The following FAM227B variants were observed in gnomAD, a reference collection of about 807,000 sequenced individuals.
FAM227B encodes family with sequence similarity 227 member B.
In FAM227B, 88 loss-of-function variants were observed where a neutral mutation model predicts 73.8. The observed-to-expected ratio is 1.19, with a 90% CI of 1.00 to 1.42. The LOEUF is 1.42. Among genes scored for constraint, FAM227B ranks in the 40% most tolerant of loss-of-function variants. The pLI is 0.00. For synonymous variants in FAM227B, 210 were observed against 190.5 expected, an observed-to-expected ratio of 1.10 and a Z score of -0.84; for missense variants, 632 against 590.9, an observed-to-expected ratio of 1.07 and a Z score of -0.72.
At chr15:49,379,047 A>C (rs1434898986) in intron 11 of FAM227B, among the ~76,000 whole-genome samples, 1 of 146,602 alleles carries the variant, frequency 6.8e-6, no homozygotes, top group East Asian at 1.9e-4. Flanking sequence ...CATCAATTGA[A>C]AGGATCATAT....
At chr15:49,528,115 A>ATTTGGGT (rs1292707915) in intron 10 of FAM227B, among the ~76,000 whole-genome samples, 1 of 151,930 alleles carries the variant, frequency 6.6e-6, no homozygotes, top group African/African-American at 2.4e-5. Context: ...CTACAAAGCT[A>ATTTGGGT]TAGTAACCCA....
chr15:49,380,941 G>T (rs776751338), intron 11 of FAM227B, among the ~76,000 whole-genome samples: 4 of 152,114 alleles, frequency 2.6e-5, no homozygotes, highest in Admixed American at 1.3e-4. Context: ...ATGGTTCTGC[G>T]GGATGTACAA....
intron 13 of FAM227B, among the ~76,000 whole-genome samples, chr15:49,364,424 G>A (rs1231215377): frequency 6.6e-6 from 1 of 151,980 alleles, no homozygotes; most frequent in Non-Finnish European, 1.5e-5. Flanking sequence ...TAGTCTTGGA[G>A]GTTGTTTTGT....
intron 3 of FAM227B, among the ~76,000 whole-genome samples, chr15:49,602,237 T>C (rs1177750409): frequency 6.6e-6 from 1 of 152,212 alleles, no homozygotes; most frequent in Non-Finnish European, 1.5e-5. Context: ...ACTGTAGTGG[T>C]TGTACTAACT....
chr15:49,387,595 C>A (rs1338900021), intron 11 of FAM227B, among the ~76,000 whole-genome samples: 2 of 151,802 alleles, frequency 1.3e-5, no homozygotes, highest in Non-Finnish European at 2.9e-5. Context: ...ACTTTCACCA[C>A]TCCTGTTCAA....
intron 11 of FAM227B, among the ~76,000 whole-genome samples, chr15:49,479,597 C>CTTTTTTTTT (rs1567359064): frequency 2.0e-5 from 2 of 102,078 alleles, no homozygotes; most frequent in African/African-American, 8.3e-5. Context: ...GTTAATACCT[C>CTTTTTTTTT]TGTTTTTTTT....
intron 15 of FAM227B, chr15:49,328,910 A>AACTT (rs2038029299): frequency 8.1e-7 from 1 of 1,228,724 alleles, no homozygotes; most frequent in Non-Finnish European, 1.0e-6. Flanking sequence ...TTAATAGAAA[A>AACTT]ACTTAGATAA....
At chr15:49,548,717 GA>G (rs960991771) in intron 9 of FAM227B, among the ~76,000 whole-genome samples, 3 of 152,130 alleles carry the variant, frequency 2.0e-5, no homozygotes, top group Admixed American at 2.0e-4. Context: ...GTTTGTTCAG[GA>G]TTTGAATTTG....
At chr15:49,537,235 C>T (rs1413016685) in intron 10 of FAM227B, among the ~76,000 whole-genome samples, 1 of 151,846 alleles carries the variant, frequency 6.6e-6, no homozygotes, top group Non-Finnish European at 1.5e-5. Flanking sequence ...TAGAAAACAA[C>T]CCAATTAATA....
At chr15:49,451,347 A>T (rs2052718654) in intron 11 of FAM227B, among the ~76,000 whole-genome samples, 1 of 152,092 alleles carries the variant, frequency 6.6e-6, no homozygotes, top group African/African-American at 2.4e-5. Context: ...AATTAGTATC[A>T]TAATGATAAA....
At chr15:49,368,300 A>G (rs1326857603) in intron 12 of FAM227B, among the ~76,000 whole-genome samples, 1 of 152,142 alleles carries the variant, frequency 6.6e-6, no homozygotes, top group African/African-American at 2.4e-5. Flanking sequence ...AACTACTAAT[A>G]TTTTAAGTTT....
At chr15:49,431,077 T>C (rs912766106) in intron 11 of FAM227B, among the ~76,000 whole-genome samples, 4 of 151,894 alleles carry the variant, frequency 2.6e-5, no homozygotes, top group African/African-American at 9.7e-5. Context: ...ATACAATACT[T>C]TTCCATTTTT....
At position 49,410,332 on chromosome 15, in the gene FAM227B, T is replaced by C. The variant is rs534528947; in HGVS notation, c.1013-38933A>G. Among the ~76,000 whole-genome samples, 55 of 152,300 alleles carry C rather than the reference T, an allele frequency of 3.6e-4. 1 individual carries two copies. The South Asian group carries it at 0.011, about 32-fold the overall frequency. On this transcript the variant is annotated intron_variant, in intron 11 of 15. Transcript: ENST00000299338. Reference sequence around the variant, plus strand: ...CCCTGACAGCTCCCCATAGGCCACGTTGTTTCATGCTGCCTCTGAATACTA... The same window carrying C: ...CCCTGACAGCTCCCCATAGGCCACGCTGTTTCATGCTGCCTCTGAATACTA...
rs570109035 is a variant in FAM227B at position 49,420,758 on chromosome 15, T to G, written c.1013-49359A>C. Among the ~76,000 whole-genome samples the G allele has an allele frequency of 8.9e-4, 136 of 152,310 alleles. 5 individuals are homozygous for G. In the South Asian group the frequency reaches 0.027, roughly 30 times the overall value. ...TCTCGCTTTGTCACCTAGGCTGGAG[T>G]GCAGTTGTGCGATCTCTGCTCACTG... is the stretch of plus-strand genomic sequence containing the variant. On this transcript the variant is annotated intron_variant, in intron 11 of 15. Transcript: ENST00000299338.
At chr15:49,488,878 A>G (rs1346459571) in intron 11 of FAM227B, 1 of 151,922 alleles carries the variant, frequency 6.6e-6, no homozygotes, top group Non-Finnish European at 1.5e-5. Context: ...GGTGTAGACC[A>G]GGGCTGTAGT....
Position 49,615,146 on chromosome 15 carries a change from C to A in FAM227B, c.26G>T (p.Arg9Met), listed in dbSNP as rs781310073. MAGQRTCQ[R>M]RSSRAGPGKM... ...CCCGGGGCCAGCTCTGCTGCTCCTC[C>A]TTTGACATGTTCGTTGGCCTGCCAT... Residue 9 changes from arginine to methionine, a missense_variant, in exon 2 of 16, where the codon AGG becomes ATG. Coordinates refer to ENST00000299338, the MANE Select transcript of FAM227B (RefSeq NM_152647.3). 2 of 1,614,018 alleles carry A rather than the reference C, an allele frequency of 1.2e-6. No individual in the cohort carries two copies. The highest frequency in any genetic ancestry group is 1.7e-5 in the Admixed American group (1 of 60,006).
intron 8 of FAM227B, among the ~76,000 whole-genome samples, chr15:49,570,485 T>G (rs1429959757): frequency 1.3e-5 from 2 of 151,928 alleles, no homozygotes; most frequent in African/African-American, 4.8e-5. Context: ...TCTGCCCATT[T>G]TAAAAATTTT....
At position 49,328,473 on chromosome 15, in the gene FAM227B, A is replaced by G; in HGVS notation, c.*95T>C. 1.2e-5 allele frequency: 19 copies of G among 1,535,694 alleles called. No individual in the cohort carries two copies. The highest frequency in any genetic ancestry group is 1.7e-5 in the Non-Finnish European group (19 of 1,140,432). ...AAAACACACTCTTAATACTGATTAC[A>G]TGGATTGGACTTGAATTAAATATAT... On this transcript the variant is annotated 3_prime_UTR_variant, in exon 16 of 16. Coordinates refer to ENST00000299338, the MANE Select transcript of FAM227B (RefSeq NM_152647.3).
In FAM227B at chr15:49,401,315, C is replaced by T. The variant is rs2048127614; in HGVS notation, c.1013-29916G>A. On this transcript the variant is annotated intron_variant, in intron 11 of 15. Coordinates refer to ENST00000299338, the MANE Select transcript of FAM227B (RefSeq NM_152647.3). The stretch of plus-strand genomic sequence containing the variant: ...ACCACAATGTGATACCATTTCACAC[C>T]AGTTAGAATGGCAATCATTAAAAAG... 3.9e-5 allele frequency among the ~76,000 whole-genome samples: 6 copies of T among 152,382 alleles called. No homozygotes were observed. In the South Asian group the frequency reaches 1.0e-3, roughly 26 times the overall value.
Sources: allele counts gnomAD v4.1 joint callset (sites outside exome capture counted in the v4.1 genomes callset), GRCh38; gene constraint gnomAD v4.1.1; transcripts MANE v1.5; gene names NCBI Gene and HGNC (gene_info 2026-07-23, HGNC 2026-07-21).